The following CRACDL variants were observed in gnomAD, a reference collection of about 807,000 sequenced individuals.
CRACDL encodes CRACD like.
In CRACDL, 26 loss-of-function variants were observed where a neutral mutation model predicts 70.6. The ratio of observed to expected loss-of-function variants is 0.37; its 90% confidence interval spans 0.27 to 0.51. The LOEUF is 0.51. CRACDL is among the 20% of genes least tolerant of loss of function. CRACDL has a pLI of 0.94. For synonymous variants in CRACDL, 618 were observed against 615.2 expected, an observed-to-expected ratio of 1.00 and a Z score of -0.07; for missense variants, 1,283 against 1,376.9, an observed-to-expected ratio of 0.93 and a Z score of 1.08.
intron 7 of CRACDL, among the ~76,000 whole-genome samples, chr2:98,803,060 C>T (rs527642773): frequency 3.8e-4 from 54 of 143,676 alleles, no homozygotes; most frequent in East Asian, 8.3e-4. Flanking sequence ...AGTGCAGTGG[C>T]GCAATCTAGG....
Position 98,823,455 on chromosome 2 carries a change from C to G in CRACDL, c.818G>C (p.Ser273Thr). 2 of 1,591,880 alleles carry G rather than the reference C, an allele frequency of 1.3e-6. No homozygotes were observed. Among genetic ancestry groups the G allele is most frequent in the Non-Finnish European group, 1.7e-6 (2 of 1,176,578 alleles). The change falls in exon 7 of 10, where the codon AGC becomes ACC. Residue 273 changes from serine (S) to threonine (T), a missense_variant. Coordinates refer to ENST00000397899, the MANE Select transcript of CRACDL (RefSeq NM_207362.3). The surrounding 1 kb of genome is among the most constrained non-coding windows in gnomAD (Gnocchi z 4.0). ...CCCAGAGCTGGGGCGCTCTTCTGGG[C>G]TGACTTCCAAAAGTGGCTTCTCCTC... ...ENEEKPLLEV[S>T]PEERPSSGQQ...
chr2:98,878,226 C>T (rs1707540476), intron 1 of CRACDL, among the ~76,000 whole-genome samples: 2 of 152,190 alleles, frequency 1.3e-5, no homozygotes, highest in Admixed American at 6.5e-5. Context: ...GGATTACAGG[C>T]ATGAGCCACC....
chr2:98,837,712 A>AT (rs1201836041), intron 3 of CRACDL, among the ~76,000 whole-genome samples: 1 of 152,074 alleles, frequency 6.6e-6, no homozygotes, highest in Non-Finnish European at 1.5e-5. Context: ...TCAAGTGAAA[A>AT]TATTCTGATT....
chr2:98,859,907 G>A (rs993949116), intron 1 of CRACDL, among the ~76,000 whole-genome samples: 11 of 152,162 alleles, frequency 7.2e-5, no homozygotes, highest in Non-Finnish European at 1.0e-4. Context: ...CATAGATAAT[G>A]TTGAGGGATC....
chr2:98,804,935 T>C (rs1485663202), intron 7 of CRACDL, among the ~76,000 whole-genome samples: 1 of 152,206 alleles, frequency 6.6e-6, no homozygotes, highest in African/African-American at 2.4e-5. Context: ...CATAACTTCC[T>C]TAGACAATGA....
intron 7 of CRACDL, among the ~76,000 whole-genome samples, chr2:98,814,231 T>C (rs1042456276): frequency 8.5e-5 from 13 of 152,288 alleles, no homozygotes; most frequent in African/African-American, 2.9e-4. Context: ...TTTCTTTTTC[T>C]AGTTCCTTAA....
chr2:98,802,912 A>T (rs1318578871), intron 7 of CRACDL, among the ~76,000 whole-genome samples: 1 of 152,182 alleles, frequency 6.6e-6, no homozygotes, highest in Non-Finnish European at 1.5e-5. Context: ...GCCTCTGAAA[A>T]ATTTGGTACA....
At chr2:98,901,704 C>T (rs1243782376) in intron 1 of CRACDL, among the ~76,000 whole-genome samples, 1 of 152,214 alleles carries the variant, frequency 6.6e-6, no homozygotes, top group Non-Finnish European at 1.5e-5. Flanking sequence ...GGGATAGGGC[C>T]TCTTTGTTAG....
At position 98,924,636 on chromosome 2, in the gene CRACDL, G is replaced by T. The variant is rs556822940; in HGVS notation, c.-11+11302C>A. On this transcript the variant is annotated intron_variant, in intron 1 of 9. Coordinates refer to ENST00000397899, the MANE Select transcript of CRACDL (RefSeq NM_207362.3). ...ATGTGCTCACGCTGGGCCCAGCAAG[G>T]TATGCCCCACAAAACATGCCTCCCC... Among the ~76,000 whole-genome samples the T allele has an allele frequency of 1.8e-4, 28 of 152,240 alleles. No homozygotes were observed. In the South Asian group the frequency reaches 5.4e-3, roughly 29 times the overall value.
chr2:98,896,809 T>C (rs979014768), intron 1 of CRACDL, among the ~76,000 whole-genome samples: 15 of 152,198 alleles, frequency 9.9e-5, no homozygotes, highest in South Asian at 4.1e-4. Flanking sequence ...TTTTAGTTTC[T>C]GTCTCTAGCG....
At chr2:98,841,191 G>T (rs1456729073) in intron 2 of CRACDL, among the ~76,000 whole-genome samples, 3 of 151,934 alleles carry the variant, frequency 2.0e-5, no homozygotes, top group Non-Finnish European at 4.4e-5. Flanking sequence ...TTATAGTTAA[G>T]ATTCATATAT....
chr2:98,904,854 G>A (rs936066094), intron 1 of CRACDL, among the ~76,000 whole-genome samples: 14 of 152,204 alleles, frequency 9.2e-5, no homozygotes, highest in African/African-American at 3.4e-4. Context: ...TGTTGGAGAT[G>A]GGGCCTGGTG....
chr2:98,850,491 T>C (rs116818838), intron 1 of CRACDL, among the ~76,000 whole-genome samples: 2,801 of 152,280 alleles, frequency 0.018, 89 homozygotes, highest in African/African-American at 0.063. Context: ...CCAGACCTCC[T>C]TTTGCTCCTC....
intron 1 of CRACDL, among the ~76,000 whole-genome samples, chr2:98,855,371 T>A (rs1320792380): frequency 4.6e-5 from 7 of 151,860 alleles, no homozygotes; most frequent in Non-Finnish European, 1.0e-4. Flanking sequence ...GTTACAAACA[T>A]ATAGATATAT....
chr2:98,895,641 G>C lies in CRACDL; in HGVS notation c.-11+40297C>G, dbSNP rs548820784. On this transcript the variant is annotated intron_variant, in intron 1 of 9. Transcript: ENST00000397899. ...ATTCCAGAACATTACACCATGCTAA[G>C]GTGTTTGGATTCTATTCTAAAGGTA... 4.6e-5 allele frequency among the ~76,000 whole-genome samples: 7 copies of C among 152,238 alleles called. No homozygotes were observed. In the East Asian group the frequency reaches 1.4e-3, roughly 29 times the overall value.
chr2:98,879,187 G>C (rs1367124722), intron 1 of CRACDL, among the ~76,000 whole-genome samples: 1 of 152,204 alleles, frequency 6.6e-6, no homozygotes, highest in African/African-American at 2.4e-5. Context: ...CATATGCACA[G>C]TGAGGCTTGA....
intron 1 of CRACDL, among the ~76,000 whole-genome samples, chr2:98,933,998 C>T (rs969122874): frequency 2.0e-5 from 3 of 152,078 alleles, no homozygotes; most frequent in African/African-American, 7.2e-5. Context: ...GACGAGCGAG[C>T]TCCTTGCGCT....
chr2:98,914,570 G>A (rs1358468895), intron 1 of CRACDL, among the ~76,000 whole-genome samples: 2 of 152,206 alleles, frequency 1.3e-5, no homozygotes, highest in Admixed American at 6.5e-5. Context: ...CTTCAAGGGA[G>A]ACTTTTTTAA....
chr2:98,880,927 G>A (rs974063541), intron 1 of CRACDL, among the ~76,000 whole-genome samples: 1 of 152,194 alleles, frequency 6.6e-6, no homozygotes, highest in Non-Finnish European at 1.5e-5. Context: ...GGCTGAAGGA[G>A]AACTTGCAGA....
Sources: gnomAD v4.1 joint callset for allele counts (sites outside exome capture counted in the v4.1 genomes callset) on GRCh38, gnomAD v4.1.1 for gene constraint, Gnocchi (gnomAD v3.1) non-coding constraint, MANE v1.5 for transcripts, NCBI Gene and HGNC (gene_info 2026-07-23, HGNC 2026-07-21) for gene names.